Variants in C11orf68 observed in about 807,000 individuals in gnomAD.
C11orf68 encodes chromosome 11 open reading frame 68.
C11orf68 carries 3 observed loss-of-function variants against 4.7 expected under a neutral mutation model. The ratio of observed to expected loss-of-function variants is 0.64; its 90% CI spans 0.29 to 1.66. The LOEUF (loss-of-function observed/expected upper bound fraction) is 1.66, where lower values mean the gene tolerates loss of function less well. Among genes scored for constraint, C11orf68 ranks in the 40% most tolerant of loss-of-function variants. The pLI is 0.10. For missense variants in C11orf68, 422 were observed against 408.0 expected, an observed-to-expected ratio of 1.03 and a Z score of -0.30; for synonymous variants, 186 against 167.8, an observed-to-expected ratio of 1.11 and a Z score of -0.84.
chr11:65,919,012 G>C lies in C11orf68; in HGVS notation c.20C>G (p.Ala7Gly). 8.8e-7 allele frequency: 1 copy of C among 1,138,294 alleles called. No individual in the cohort carries two copies. The allele number at this position is 1,138,294 out of a possible 1,614,324, so 70.5% of individuals were successfully genotyped here. The part of the protein sequence containing the change: MAAAAA[A>G]AVAGVGRGGG... The stretch of plus-strand genomic sequence containing the variant: ...ACCGCGCCCCACCCCCGCCACGGCC[G>C]CCGCCGCCGCCGCCGCCATCTTAGC... Residue 7 changes from alanine to glycine, a missense_variant, in exon 1 of 2, where the codon GCG becomes GGG. Physicochemically the swap from Ala to Gly is moderately conservative, Grantham distance 60 (BLOSUM62 0). Coordinates refer to ENST00000438576, the MANE Select transcript of C11orf68 (RefSeq NM_001135635.2).
intron 1 of C11orf68, 32 bp from the exon 2 acceptor site, chr11:65,918,250 A>G: frequency 6.7e-7 from 1 of 1,490,402 alleles, no homozygotes; most frequent in Non-Finnish European, 8.9e-7. Flanking sequence ...GCAGGGTCTG[A>G]GACAATAACT....
chr11:65,918,873 C>T, intron 1 of C11orf68, 37 bp downstream of exon 1: 1 of 1,203,268 alleles, frequency 8.3e-7, no homozygotes, highest in Non-Finnish European at 1.0e-6. Context: ...TGCTCCCGCC[C>T]CGGCCCTGCC....
In C11orf68 at chr11:65,917,660, T is replaced by TAC; in HGVS notation, c.679_680dup (p.Leu228TyrfsTer66). The TAC allele has an allele frequency of 6.2e-7, 1 of 1,614,018 alleles. No homozygotes were observed. The highest frequency in any genetic ancestry group is 1.6e-4 in the Middle Eastern group (1 of 6,062). On this transcript the variant is annotated frameshift_variant, in exon 2 of 2. Transcript: ENST00000438576. LOFTEE classifies it low-confidence loss of function (END_TRUNC). ...CACGGATGGCTGAATCCGCCTCCAG[T>TAC]ACACCCAAGCGGTCCGTGAAGTCGT... is the stretch of plus-strand genomic sequence containing the variant.
intron 1 of C11orf68, chr11:65,918,507 G>A: frequency 2.8e-6 from 1 of 350,932 alleles, no homozygotes; most frequent in South Asian, 1.0e-4. Flanking sequence ...TGCAGTGCGT[G>A]GCAGGGCCGA....
Position 65,918,149 on chromosome 11 carries a change from G to A in C11orf68, c.192C>T (p.Ala64=), listed in dbSNP as rs745631066. The change falls in exon 2 of 2, where the codon GCC becomes GCT. Residue 64 remains alanine, a synonymous_variant. Coordinates refer to ENST00000438576, the MANE Select transcript of C11orf68 (RefSeq NM_001135635.2). ...CCATGGCCTCTGCAGCCAGGTGCTC[G>A]GCGGTGAAGCCATCCTCACGGCCAC... ...SPGGREDGFT[A]EHLAAEAMAA... 1.4e-5 allele frequency: 22 copies of A among 1,575,286 alleles called. No individual in the cohort carries two copies. Among genetic ancestry groups the A allele is most frequent in the South Asian group, 4.7e-5 (4 of 84,652 alleles).
At position 65,919,059 on chromosome 11, in the gene C11orf68, C is replaced by T. The variant is rs1854507142; in HGVS notation, c.-28G>A. On this transcript the variant is annotated 5_prime_UTR_variant, in exon 1 of 2. Coordinates refer to ENST00000438576, the MANE Select transcript of C11orf68 (RefSeq NM_001135635.2). ...TAGCGCCGCGCCACCTCAACAACAA[C>T]TTTATAGACAGGCGCAGCCACAGGG... is the stretch of plus-strand genomic sequence containing the variant. The T allele has an allele frequency of 8.9e-7, 1 of 1,123,826 alleles. No individual in the cohort carries two copies. The highest frequency in any genetic ancestry group is 1.1e-6 in the Non-Finnish European group (1 of 921,494). The allele number at this position is 1,123,826 out of a possible 1,614,324, so 69.6% of individuals were successfully genotyped here. A position where few individuals can be genotyped will look rare whatever the true frequency, so the allele number is the denominator to read the frequency against.
Position 65,917,880 on chromosome 11 carries a change from G to A in C11orf68, c.461C>T (p.Pro154Leu), listed in dbSNP as rs757665382. The A allele has an allele frequency of 1.9e-6, 3 of 1,610,320 alleles. No individual in the cohort carries two copies. The highest frequency in any genetic ancestry group is 2.2e-5 in the East Asian group (1 of 44,894). ...GATGGCGAGCTGGCGCAGGGTACCC[G>A]GTGTGATGGGCCGCCCACTGGTCTG... Reference protein sequence around the residue: ...ALQTSGRPITPGTLRQLAITH... With the variant: ...ALQTSGRPITLGTLRQLAITH... The change falls in exon 2 of 2, where the codon CCG (proline) becomes CTG (leucine). Residue 154 changes from proline to leucine, a missense_variant. Transcript: ENST00000438576.
chr11:65,918,281 TA>T, intron 1 of C11orf68, 63 bp from the exon 2 acceptor site: 1 of 1,446,444 alleles, frequency 6.9e-7, no homozygotes, highest in Non-Finnish European at 9.1e-7. Flanking sequence ...GGCACTGGAT[TA>T]AACTGTGGCC....
chr11:65,917,878 C>T lies in C11orf68; in HGVS notation c.463G>A (p.Gly155Ser), dbSNP rs1591099506. The change falls in exon 2 of 2, where the codon GGT (glycine) becomes AGT (serine). Residue 155 changes from glycine to serine, a missense_variant. By Grantham distance (56) the Gly-to-Ser change is moderately conservative (BLOSUM62 0). Transcript: ENST00000438576. ...GTGATGGCGAGCTGGCGCAGGGTAC[C>T]CGGTGTGATGGGCCGCCCACTGGTC... is the stretch of plus-strand genomic sequence containing the variant. Reference protein sequence around the residue: ...LQTSGRPITPGTLRQLAITHH... With the variant: ...LQTSGRPITPSTLRQLAITHH... The T allele has an allele frequency of 2.5e-6, 4 of 1,610,700 alleles. No individual in the cohort carries two copies. Among genetic ancestry groups the T allele is most frequent in the South Asian group, 1.1e-5 (1 of 91,074 alleles).
chr11:65,917,514 C>A lies in C11orf68; in HGVS notation c.827G>T (p.Gly276Val). 6.2e-7 allele frequency: 1 copy of A among 1,613,936 alleles called. No individual in the cohort carries two copies. The highest frequency in any genetic ancestry group is 1.1e-5 in the South Asian group (1 of 91,078). ...TLYESRFQLG[G>V]SARGSRVLDR... is the part of the protein sequence containing the mutation. ...AAGCACTCGGGAGCCACGGGCACTA[C>A]CCCCAAGCTGGAAACGGCTCTCATA... Residue 276 changes from glycine (G) to valine (V), a missense_variant, in exon 2 of 2, where the codon GGT becomes GTT. Gly to Val is a moderately radical substitution (Grantham distance 109). Transcript: ENST00000438576.
Position 65,918,112 on chromosome 11 carries a change from C to A in C11orf68, c.229G>T (p.Asp77Tyr). 1.2e-6 allele frequency: 2 copies of A among 1,607,770 alleles called. No individual in the cohort carries two copies. The highest frequency in any genetic ancestry group is 1.7e-4 in the Middle Eastern group (1 of 6,032). The change falls in exon 2 of 2, where the codon GAC (aspartate) becomes TAC (tyrosine). Residue 77 changes from aspartate to tyrosine, a missense_variant. Coordinates refer to ENST00000438576, the MANE Select transcript of C11orf68 (RefSeq NM_001135635.2). ...CGGGCATCAAACACTAGCCAGGGGT[C>A]CATGTCAGCTGCCATGGCCTCTGCA... Reference protein sequence around the residue: ...LAAEAMAADMDPWLVFDARTT... With the variant: ...LAAEAMAADMYPWLVFDARTT...
chr11:65,918,353 T>G (rs1477660462), intron 1 of C11orf68, 135 bp from the exon 2 acceptor site: 1 of 1,059,050 alleles, frequency 9.4e-7, no homozygotes. Context: ...GGATAACAAC[T>G]GTTCCTGTCC....
In C11orf68 at chr11:65,916,932, G is replaced by A. The variant is rs1187288726; in HGVS notation, c.*527C>T. 1 of 157,136 alleles carries A rather than the reference G, an allele frequency of 6.4e-6. No individual in the cohort carries two copies. Among genetic ancestry groups the A allele is most frequent in the Non-Finnish European group, 1.4e-5 (1 of 70,718 alleles). 9.7% of individuals were successfully genotyped at this position (157,136 alleles called of 1,614,324 possible). ...ACAGGCTGTGTAAGTTGGCAGGGAT[G>A]GGCAAGCCTCATGTCCATGGTCCTG... is the stretch of plus-strand genomic sequence containing the variant. On this transcript the variant is annotated 3_prime_UTR_variant, in exon 2 of 2. Transcript: ENST00000438576.
chr11:65,917,258 C>T lies in C11orf68; in HGVS notation c.*201G>A, dbSNP rs1187755871. On this transcript the variant is annotated 3_prime_UTR_variant, in exon 2 of 2. Coordinates refer to ENST00000438576, the MANE Select transcript of C11orf68 (RefSeq NM_001135635.2). ...GCTGAAGGCTCATCCCTCAGGGAACCGGAGCCCCCCAGCCTGTGGGGCTTG... is the reference window on the plus strand; with the variant it reads ...GCTGAAGGCTCATCCCTCAGGGAACTGGAGCCCCCCAGCCTGTGGGGCTTG... 9.4e-6 allele frequency: 6 copies of T among 640,032 alleles called. No individual in the cohort carries two copies. The highest frequency in any genetic ancestry group is 3.0e-5 in the Admixed American group (1 of 33,230). The allele number at this position is 640,032 out of a possible 1,614,324, so 39.6% of individuals were successfully genotyped here.
chr11:65,918,229 A>T lies in C11orf68; in HGVS notation c.123-11T>A. 1 of 1,509,242 alleles carries T rather than the reference A, an allele frequency of 6.6e-7. No individual in the cohort carries two copies. Among genetic ancestry groups the T allele is most frequent in the Non-Finnish European group, 8.8e-7 (1 of 1,132,552 alleles). 93.5% of individuals were successfully genotyped at this position (1,509,242 alleles called of 1,614,324 possible). On this transcript the variant is annotated splice_polypyrimidine_tract_variant and intron_variant, in intron 1 of 1. Coordinates refer to ENST00000438576, the MANE Select transcript of C11orf68 (RefSeq NM_001135635.2). ...CCTGGTTCCATCCTGCTGTGAGGGA[A>T]CCGAGTCAGGGCAGGGTCTGAGACA...
intron 1 of C11orf68, 35 bp downstream of exon 1, chr11:65,918,875 G>A (rs1854500717): frequency 1.7e-6 from 2 of 1,194,186 alleles, no homozygotes; most frequent in Non-Finnish European, 2.1e-6. Flanking sequence ...CTCCCGCCCC[G>A]GCCCTGCCCT....
rs1334456217 is a variant in C11orf68, at chr11:65,917,015, C to G, written c.*444G>C. On this transcript the variant is annotated 3_prime_UTR_variant, in exon 2 of 2. Transcript: ENST00000438576. ...ACTACCCTCCCCTCAAAATGGCATG[C>G]TCAGGCCAGTGGGGCCCCTACCCCT... 1 of 170,240 alleles carries G rather than the reference C, an allele frequency of 5.9e-6. No individual in the cohort carries two copies. Among genetic ancestry groups the G allele is most frequent in the Non-Finnish European group, 1.3e-5 (1 of 77,610 alleles). The allele number at this position is 170,240 out of a possible 1,614,324, so 10.5% of individuals were successfully genotyped here.
At position 65,918,996 on chromosome 11, in the gene C11orf68, CACCCCCGCCACG is replaced by C. The variant is rs939546628; in HGVS notation, c.24_35del (p.Val9_Val12del). ...GCTCCGCGCCACCGCCACCGCGCCC[CACCCCCGCCACG>C]GCCGCCGCCGCCGCCGCCGCCATCT... On this transcript the variant is annotated inframe_deletion, in exon 1 of 2. Transcript: ENST00000438576. 1.7e-6 allele frequency: 2 copies of C among 1,163,562 alleles called. No individual in the cohort carries two copies. Among genetic ancestry groups the C allele is most frequent in the African/African-American group, 3.3e-5 (2 of 61,182 alleles). 72.1% of individuals were successfully genotyped at this position (1,163,562 alleles called of 1,614,324 possible). A position where few individuals can be genotyped will look rare whatever the true frequency, so the allele number is the denominator to read the frequency against.
In C11orf68 at chr11:65,918,081, G is replaced by A. The variant is rs763705751; in HGVS notation, c.260C>T (p.Thr87Met). ...CCAGGCATCCAGCTCAGTGGCAGGCGTTGTGCGGGCATCAAACACTAGCCA... is the reference window on the plus strand; with the variant it reads ...CCAGGCATCCAGCTCAGTGGCAGGCATTGTGCGGGCATCAAACACTAGCCA... Reference protein sequence around the residue: ...DPWLVFDARTTPATELDAWLA... With the variant: ...DPWLVFDARTMPATELDAWLA... The change falls in exon 2 of 2, where the codon ACG becomes ATG. Residue 87 changes from threonine (T) to methionine (M), a missense_variant. Thr to Met is a moderately conservative substitution (Grantham distance 81). Transcript: ENST00000438576. 10 of 1,610,918 alleles carry A rather than the reference G, an allele frequency of 6.2e-6. No individual in the cohort carries two copies. The highest frequency in any genetic ancestry group is 4.0e-5 in the African/African-American group (3 of 74,898).
Sources: gnomAD v4.1 joint callset for allele counts on GRCh38, gnomAD v4.1.1 for gene constraint, MANE v1.5 for transcripts, NCBI Gene and HGNC (gene_info 2026-07-23, HGNC 2026-07-21) for gene names.